The following GRIN2D variants were observed in gnomAD, a reference collection of about 807,000 sequenced individuals.
The protein encoded by GRIN2D is glutamate receptor ionotropic, NMDA 2D.
A neutral mutation model predicts 103.2 loss-of-function variants in GRIN2D; 37 were observed. The observed-to-expected ratio is 0.36, with a 90% confidence interval of 0.28 to 0.47. GRIN2D has a LOEUF of 0.47. Ranked by LOEUF, GRIN2D falls within the 20% of genes least tolerant of loss-of-function variation. The probability of loss-of-function intolerance (pLI) is 1.00; values close to 1 mark genes in which losing one functional copy is unlikely to be tolerated. For synonymous variants in GRIN2D, 845 were observed against 885.6 expected, an observed-to-expected ratio of 0.95 and a Z score of 0.81; for missense variants, 1,557 against 1,910.6, an observed-to-expected ratio of 0.81 and a Z score of 3.45.
At position 48,421,113 on chromosome 19, in the gene GRIN2D, G is replaced by A. The variant is rs963579336; in HGVS notation, c.2092-672G>A. On this transcript the variant is annotated intron_variant, in intron 10 of 13. Transcript: ENST00000263269. This position sits in a 1 kb window ranked among gnomAD's most constrained non-coding sequence, Gnocchi z 4.8. ...AATAGAATAGTTGCCTGCATCTTAT[G>A]TATAAGTTTGGTTTTACAAAACTTG... Among the ~76,000 whole-genome samples the A allele has an allele frequency of 6.6e-6, 1 of 152,192 alleles. No homozygotes were observed. Among genetic ancestry groups the A allele is most frequent in the African/African-American group, 2.4e-5 (1 of 41,442 alleles).
At position 48,444,071 on chromosome 19, in the gene GRIN2D, C is replaced by T. The variant is rs961331537; in HGVS notation, c.*134C>T. ...GGCCGGACCCCGCCTGGAGCAGCGT[C>T]CTGCGCCCCCTGGTTCTGGAGGAAC... is the stretch of plus-strand genomic sequence containing the variant. On this transcript the variant is annotated 3_prime_UTR_variant, in exon 14 of 14. Coordinates refer to ENST00000263269, the MANE Select transcript of GRIN2D (RefSeq NM_000836.4). This position sits in a 1 kb window ranked among gnomAD's most constrained non-coding sequence, Gnocchi z 5.5. 3.8e-5 allele frequency: 19 copies of T among 505,230 alleles called. No individual in the cohort carries two copies. Among genetic ancestry groups the T allele is most frequent in the African/African-American group, 3.2e-4 (16 of 49,944 alleles). The allele number at this position is 505,230 out of a possible 1,614,324, so 31.3% of individuals were successfully genotyped here.
At chr19:48,415,153 C>T in intron 7 of GRIN2D, 121 bp downstream of exon 7, 2 of 919,462 alleles carry the variant, frequency 2.2e-6, no homozygotes, top group South Asian at 3.3e-5. Context: ...GGCGAATTGC[C>T]TGAGCTCAGG....
rs1970922726 is a variant in GRIN2D, at chr19:48,414,841, C to T, written c.1413-23C>T. On this transcript the variant is annotated intron_variant, in intron 6 of 13. Transcript: ENST00000263269. The surrounding 1 kb of genome is among the most constrained non-coding windows in gnomAD (Gnocchi z 4.6). Reference sequence around the variant, plus strand: ...TCTAAGGAGGGGGTCCCCAAACTCCCCAAGCCTGGTCACTGCCCGCAGCCC... The same window carrying T: ...TCTAAGGAGGGGGTCCCCAAACTCCTCAAGCCTGGTCACTGCCCGCAGCCC... 9 of 1,612,894 alleles carry T rather than the reference C, an allele frequency of 5.6e-6. No homozygotes were observed. The highest frequency in any genetic ancestry group is 1.7e-5 in the Admixed American group (1 of 59,824).
chr19:48,438,734 AATATGAACTCATATTCTAT>A (rs1971260343), intron 11 of GRIN2D, among the ~76,000 whole-genome samples: 1 of 151,868 alleles, frequency 6.6e-6, no homozygotes, highest in Non-Finnish European at 1.5e-5. Context: ...GCGCCCGGCC[AATATGAACTCATATTCTAT>A]ATAGGATTCT....
intron 3 of GRIN2D, among the ~76,000 whole-genome samples, chr19:48,402,662 A>T (rs1970730800): frequency 1.5e-5 from 2 of 137,554 alleles, no homozygotes; most frequent in Non-Finnish European, 3.1e-5. Flanking sequence ...GCTTTCAGTG[A>T]GCCGAGATTG....
At chr19:48,399,422 G>T (rs952802047) in intron 3 of GRIN2D, among the ~76,000 whole-genome samples, 2 of 152,186 alleles carry the variant, frequency 1.3e-5, no homozygotes, top group African/African-American at 4.8e-5. Context: ...ACAAAAATTA[G>T]CCGGGCGTTG....
chr19:48,415,867 C>T (rs1350655130), intron 7 of GRIN2D, 135 bp from the exon 8 acceptor site: 3 of 736,872 alleles, frequency 4.1e-6, no homozygotes, highest in Non-Finnish European at 4.8e-6. Flanking sequence ...TCCTCACCCA[C>T]CTCGCAATCC....
At chr19:48,406,633 C>T (rs760048892) in intron 4 of GRIN2D, among the ~76,000 whole-genome samples, 69 of 152,226 alleles carry the variant, frequency 4.5e-4, no homozygotes, top group Non-Finnish European at 9.0e-4. Flanking sequence ...TCATGCTGGG[C>T]GCTGGGAACA....
At chr19:48,423,656 CAAG>C (rs1971050279) in intron 11 of GRIN2D, among the ~76,000 whole-genome samples, 1 of 151,850 alleles carries the variant, frequency 6.6e-6, no homozygotes, top group South Asian at 2.1e-4. Context: ...GGAGGAACAG[CAAG>C]AAGGCCAGTG....
chr19:48,442,981 C>A lies in GRIN2D; in HGVS notation c.3055C>A (p.Pro1019Thr). ...CGTACGCGACAAGGAGCCAGCCGAG[C>A]CCCCCGCCGGCGCCTTCCCCGGCTT... Reference protein sequence around the residue: ...AIVRDKEPAEPPAGAFPGFPS... With the variant: ...AIVRDKEPAETPAGAFPGFPS... Residue 1019 changes from proline (P) to threonine (T), a missense_variant, in exon 14 of 14, where the codon CCC becomes ACC. Pro to Thr is a conservative substitution (Grantham distance 38). Coordinates refer to ENST00000263269, the MANE Select transcript of GRIN2D (RefSeq NM_000836.4). The surrounding 1 kb of genome is among the most constrained non-coding windows in gnomAD (Gnocchi z 7.2). 9.0e-7 allele frequency: 1 copy of A among 1,114,992 alleles called. No homozygotes were observed. The highest frequency in any genetic ancestry group is 1.1e-6 in the Non-Finnish European group (1 of 905,872). 69.1% of individuals were successfully genotyped at this position (1,114,992 alleles called of 1,614,324 possible).
intron 11 of GRIN2D, 110 bp from the exon 12 acceptor site, chr19:48,441,659 G>A (rs746053916): frequency 1.6e-5 from 13 of 803,982 alleles, no homozygotes; most frequent in Non-Finnish European, 2.4e-5. Context: ...AAGAGCTCAG[G>A]GCCAGTTAGG....
Position 48,420,643 on chromosome 19 carries a change from T to C in GRIN2D, c.2091+829T>C, listed in dbSNP as rs776829990. 3.3e-5 allele frequency among the ~76,000 whole-genome samples: 5 copies of C among 151,488 alleles called. No individual in the cohort carries two copies. In the South Asian group the frequency reaches 6.2e-4, roughly 19 times the overall value. On this transcript the variant is annotated intron_variant, in intron 10 of 13. Coordinates refer to ENST00000263269, the MANE Select transcript of GRIN2D (RefSeq NM_000836.4). ...GAGTTCGAGACCAGCCTGGCCAACA[T>C]AGTGAAACCTCGTCTCTAATAAAAA... is the stretch of plus-strand genomic sequence containing the variant.
chr19:48,439,303 G>C (rs937804212), intron 11 of GRIN2D, among the ~76,000 whole-genome samples: 3 of 151,914 alleles, frequency 2.0e-5, no homozygotes, highest in Non-Finnish European at 2.9e-5. Context: ...TTACCTGTCA[G>C]AGCATAAGCA....
At chr19:48,399,875 A>G (rs1600968380) in intron 3 of GRIN2D, among the ~76,000 whole-genome samples, 1 of 46,666 alleles carries the variant, frequency 2.1e-5, no homozygotes, top group Non-Finnish European at 4.1e-5. Context: ...GGGGCTAGCC[A>G]GTTGGGGGCG....
chr19:48,422,280 G>C (rs1971034391), intron 11 of GRIN2D, among the ~76,000 whole-genome samples: 2 of 152,124 alleles, frequency 1.3e-5, no homozygotes, highest in African/African-American at 4.8e-5. Flanking sequence ...AGGATAACAA[G>C]AGTATCCCCA....
intron 3 of GRIN2D, among the ~76,000 whole-genome samples, chr19:48,403,198 CAAA>C (rs145115482): frequency 0.018 from 1,624 of 90,910 alleles, 18 homozygotes; most frequent in African/African-American, 0.06. Flanking sequence ...GACTCTGTCT[CAAA>C]AAAAAAAAAA....
chr19:48,410,294 C>T (rs1970841313), intron 4 of GRIN2D, among the ~76,000 whole-genome samples: 1 of 150,424 alleles, frequency 6.6e-6, no homozygotes, highest in Non-Finnish European at 1.5e-5. Context: ...CTTTGGGAGG[C>T]CGAGGCGGGC....
At chr19:48,399,131 G>A (rs956583358) in intron 3 of GRIN2D, among the ~76,000 whole-genome samples, 1 of 152,144 alleles carries the variant, frequency 6.6e-6, no homozygotes, top group Non-Finnish European at 1.5e-5. Flanking sequence ...GAGGACGTGG[G>A]CCCATTCATT....
At chr19:48,441,504 G>A (rs1162250206) in intron 11 of GRIN2D, among the ~76,000 whole-genome samples, 1 of 152,174 alleles carries the variant, frequency 6.6e-6, no homozygotes, top group Non-Finnish European at 1.5e-5. Flanking sequence ...CTTGAGCCCA[G>A]GATTTCTGGT....
Sources: allele counts gnomAD v4.1 joint callset (sites outside exome capture counted in the v4.1 genomes callset), GRCh38; gene constraint gnomAD v4.1.1; non-coding constraint Gnocchi (gnomAD v3.1); transcripts MANE v1.5; gene names NCBI Gene and HGNC (gene_info 2026-07-23, HGNC 2026-07-21).